The following RPGRIP1 variants were observed in gnomAD, a reference collection of about 807,000 sequenced individuals.
The protein encoded by RPGRIP1 is RPGR interacting protein 1.
Under a neutral mutation model 157.9 loss-of-function variants are expected in RPGRIP1, and 128 were observed. That is an observed-to-expected ratio of 0.81 (90% CI 0.70 to 0.94). The LOEUF (loss-of-function observed/expected upper bound fraction) is 0.94, where lower values mean the gene tolerates loss of function less well. RPGRIP1 is among the 40% of genes least tolerant of loss of function. The pLI is 0.00. For missense variants in RPGRIP1, 1,486 were observed against 1,545.8 expected, an observed-to-expected ratio of 0.96 and a Z score of 0.65; for synonymous variants, 554 against 571.6, an observed-to-expected ratio of 0.97 and a Z score of 0.44.
rs35207255 is a variant in RPGRIP1 at position 21,325,308 on chromosome 14, G to C, written c.2292G>C (p.Ala764=). The C allele has an allele frequency of 1.9e-6, 3 of 1,611,392 alleles. No individual in the cohort carries two copies. The highest frequency in any genetic ancestry group is 1.3e-5 in the African/African-American group (1 of 74,998). Residue 764 remains alanine (A), a synonymous_variant, in exon 16 of 25, where the codon GCG becomes GCC. Transcript: ENST00000400017. The part of the protein sequence containing the change: ...LRFPIKPSLQ[A]CNKRKKAQVY... ...TCCCCATAAAACCCAGCCTACAGGCGTGCAATAAACGAAAGAAAGCCCAGG... is the reference window on the plus strand; with the variant it reads ...TCCCCATAAAACCCAGCCTACAGGCCTGCAATAAACGAAAGAAAGCCCAGG...
At chr14:21,317,137 G>GA (rs200321373) in intron 10 of RPGRIP1, among the ~76,000 whole-genome samples, 2,112 of 149,726 alleles carry the variant, frequency 0.014, 52 homozygotes, top group African/African-American at 0.048. Context: ...AAAGAAAAAA[G>GA]AAAAAAAAAG....
chr14:21,297,667 C>A (rs1199840984), intron 3 of RPGRIP1, among the ~76,000 whole-genome samples: 1 of 151,994 alleles, frequency 6.6e-6, no homozygotes, highest in Non-Finnish European at 1.5e-5. Context: ...ATATGCACAC[C>A]AGGGGAACTA....
At chr14:21,350,152 G>T (rs563742841) in intron 24 of RPGRIP1, among the ~76,000 whole-genome samples, 129 of 152,222 alleles carry the variant, frequency 8.5e-4, no homozygotes, top group Non-Finnish European at 1.5e-3. Flanking sequence ...GAGATGGGCG[G>T]ATCACCTGAG....
chr14:21,324,680 G>T lies in RPGRIP1; in HGVS notation c.1825G>T (p.Ala609Ser). Residue 609 changes from alanine to serine, a missense_variant, in exon 15 of 25, where the codon GCC (alanine) becomes TCC (serine). Transcript: ENST00000400017. ...GTCGTTATGTTTGGAAACACTGCCA[G>T]CCCATGGAGATGAGGATAAAGTGGA... ...PLSLCLETLP[A>S]HGDEDKVDIS... 1 of 1,614,040 alleles carries T rather than the reference G, an allele frequency of 6.2e-7. No homozygotes were observed. The highest frequency in any genetic ancestry group is 8.5e-7 in the Non-Finnish European group (1 of 1,179,904).
At chr14:21,296,310 GC>G (rs1254919689) in intron 3 of RPGRIP1, among the ~76,000 whole-genome samples, 1 of 151,244 alleles carries the variant, frequency 6.6e-6, no homozygotes, top group Non-Finnish European at 1.5e-5. Context: ...CAGGCAATCA[GC>G]CTGCCTCGGC....
chr14:21,339,154 G>GT (rs1035132076), intron 21 of RPGRIP1, among the ~76,000 whole-genome samples: 1 of 151,022 alleles, frequency 6.6e-6, no homozygotes, highest in African/African-American at 2.4e-5. Flanking sequence ...GTTTTGTTTT[G>GT]TTTTTTTAAC....
intron 21 of RPGRIP1, among the ~76,000 whole-genome samples, chr14:21,337,109 C>T (rs1198732856): frequency 6.6e-6 from 1 of 152,116 alleles, no homozygotes; most frequent in Non-Finnish European, 1.5e-5. Flanking sequence ...TGTCACTCTT[C>T]TGCCTGGGGT....
intron 8 of RPGRIP1, chr14:21,311,005 T>C: frequency 4.1e-6 from 2 of 488,430 alleles, no homozygotes; most frequent in South Asian, 3.0e-5. Context: ...GTGAGTGGGC[T>C]GCATGTGAAG....
At chr14:21,346,555 G>GAA (rs112183474) in intron 23 of RPGRIP1, among the ~76,000 whole-genome samples, 2 of 148,864 alleles carry the variant, frequency 1.3e-5, no homozygotes, top group Non-Finnish European at 3.0e-5. Context: ...TGCCTCTAAG[G>GAA]AAAAAAAAAA....
At chr14:21,281,699 A>ATAAT (rs1340252709) in intron 1 of RPGRIP1, among the ~76,000 whole-genome samples, 4 of 108,408 alleles carry the variant, frequency 3.7e-5, no homozygotes, top group African/African-American at 6.9e-5. Context: ...AAAAAAAAAA[A>ATAAT]AAATAAATAA....
intron 21 of RPGRIP1, among the ~76,000 whole-genome samples, chr14:21,339,967 G>A (rs1056188036): frequency 2.0e-5 from 3 of 152,130 alleles, no homozygotes; most frequent in African/African-American, 4.8e-5. Context: ...TAAATAGGGC[G>A]ATATAATAGC....
At chr14:21,347,975 C>T (rs1053017641) in intron 23 of RPGRIP1, among the ~76,000 whole-genome samples, 197 bp from the exon 24 acceptor site, 1 of 152,046 alleles carries the variant, frequency 6.6e-6, no homozygotes, top group Non-Finnish European at 1.5e-5. Context: ...CATGATGTTC[C>T]CTCTTCTAAA....
rs1007825048 is a variant in RPGRIP1, at chr14:21,321,870, T to C, written c.1628T>C (p.Met543Thr). 6.2e-7 allele frequency: 1 copy of C among 1,612,372 alleles called. No individual in the cohort carries two copies. The change falls in exon 14 of 25, where the codon ATG becomes ACG. Residue 543 changes from methionine to threonine, a missense_variant. Coordinates refer to ENST00000400017, the MANE Select transcript of RPGRIP1 (RefSeq NM_020366.4). ...NVCYQEELEA[M>T]MTKADNDNRD... is the part of the protein sequence containing the mutation. Reference sequence around the variant, plus strand: ...TTGTTTCAGGAGGAACTGGAGGCAATGATGACAAAAGCTGACAATGATAAT... The same window carrying C: ...TTGTTTCAGGAGGAACTGGAGGCAACGATGACAAAAGCTGACAATGATAAT...
At chr14:21,340,258 G>A (rs984559257) in intron 21 of RPGRIP1, among the ~76,000 whole-genome samples, 1 of 152,210 alleles carries the variant, frequency 6.6e-6, no homozygotes. Flanking sequence ...GAAGTCTAGG[G>A]AGAAGAGCTT....
At chr14:21,339,927 G>C (rs938856935) in intron 21 of RPGRIP1, among the ~76,000 whole-genome samples, 1 of 152,164 alleles carries the variant, frequency 6.6e-6, no homozygotes, top group Non-Finnish European at 1.5e-5. Flanking sequence ...AAAGCAGATA[G>C]CTCTGAGATT....
chr14:21,288,085 A>T, intron 2 of RPGRIP1, 24 bp downstream of exon 2: 1 of 1,471,908 alleles, frequency 6.8e-7, no homozygotes, highest in East Asian at 2.3e-5. Context: ...CTGAGGATGG[A>T]CACCTTTTAG....
intron 3 of RPGRIP1, among the ~76,000 whole-genome samples, chr14:21,300,705 C>CAT (rs1378187329): frequency 1.2e-4 from 9 of 73,502 alleles, no homozygotes; most frequent in African/African-American, 4.9e-4. Flanking sequence ...AGTGGCTCAA[C>CAT]TTTTTTTTTT....
At chr14:21,345,785 A>T (rs984661023) in intron 23 of RPGRIP1, among the ~76,000 whole-genome samples, 1 of 151,590 alleles carries the variant, frequency 6.6e-6, no homozygotes, top group African/African-American at 2.4e-5. Flanking sequence ...TTACTTGAAT[A>T]TTGACAATGC....
At chr14:21,307,877 A>T (rs1299894515) in intron 7 of RPGRIP1, 41 bp downstream of exon 7, 1 of 1,051,872 alleles carries the variant, frequency 9.5e-7, no homozygotes, top group South Asian at 1.6e-5. Flanking sequence ...GGTGGGGGGA[A>T]ACCCCAATTA....
Sources: gnomAD v4.1 joint callset for allele counts (sites outside exome capture counted in the v4.1 genomes callset) on GRCh38, gnomAD v4.1.1 for gene constraint, MANE v1.5 for transcripts, NCBI Gene and HGNC (gene_info 2026-07-23, HGNC 2026-07-21) for gene names.